GTF2IRD1: variants seen among roughly 807,000 people sequenced by gnomAD.
GTF2IRD1 encodes GTF2I repeat domain containing 1, also known as general transcription factor II-I repeat domain-containing protein 1.
A neutral mutation model predicts 113.2 loss-of-function variants in GTF2IRD1; 26 were observed. That is an observed-to-expected ratio of 0.23 (90% CI 0.17 to 0.32). The LOEUF is 0.32. Ranked by LOEUF, GTF2IRD1 falls within the 10% of genes least tolerant of loss-of-function variation. GTF2IRD1 has a pLI of 1.00. For synonymous variants in GTF2IRD1, 484 were observed against 529.1 expected (o/e 0.91, Z 1.17); for missense variants, 864 against 1,280.8 (o/e 0.67, Z 4.97).
intron 8 of GTF2IRD1, among the ~76,000 whole-genome samples, chr7:74,529,299 G>A (rs1176172822): frequency 2.6e-5 from 4 of 152,086 alleles, no homozygotes; most frequent in Non-Finnish European, 5.9e-5. Context: ...TGTTGCCCAG[G>A]CTGGAGTGCA....
chr7:74,476,366 CT>C lies in GTF2IRD1; in HGVS notation c.-7+22201del, dbSNP rs61151844. On this transcript the variant is annotated intron_variant, in intron 1 of 26. Transcript: ENST00000424337. ...CCCGCTTGGAAGCCTTCTGAACCTC[CT>C]TTTTTTTTTTCTTTTGAGACGGAGT... Among the ~76,000 whole-genome samples, 174 of 122,160 alleles carry C rather than the reference CT, an allele frequency of 1.4e-3. 10 individuals carry two copies. Among genetic ancestry groups the C allele is most frequent in the Middle Eastern group, 4.5e-3 (1 of 220 alleles). The allele number at this position is 122,160 out of a possible 152,430, so 80.1% of individuals were successfully genotyped here. A position where few individuals can be genotyped will look rare whatever the true frequency, so the allele number is the denominator to read the frequency against.
chr7:74,521,400 A>G (rs1797288717), intron 7 of GTF2IRD1, 103 bp downstream of exon 7: 2 of 749,388 alleles, frequency 2.7e-6, no homozygotes, highest in Non-Finnish European at 2.4e-6. Flanking sequence ...TGTGAAAGAA[A>G]GGAGGAACAG....
chr7:74,483,984 A>G (rs1584493493), intron 1 of GTF2IRD1, among the ~76,000 whole-genome samples: 1 of 152,312 alleles, frequency 6.6e-6, no homozygotes, highest in East Asian at 1.9e-4. Flanking sequence ...GGAGCCGTGT[A>G]GATACAGCCA....
At chr7:74,527,709 GCACAC>G (rs1797687180) in intron 8 of GTF2IRD1, among the ~76,000 whole-genome samples, 2 of 152,164 alleles carry the variant, frequency 1.3e-5, no homozygotes, top group South Asian at 4.2e-4. Flanking sequence ...GGGCGTGGTG[GCACAC>G]GCCTGTAATC....
intron 22 of GTF2IRD1, among the ~76,000 whole-genome samples, chr7:74,569,474 G>T (rs191037710): frequency 2.6e-5 from 4 of 152,180 alleles, no homozygotes; most frequent in Non-Finnish European, 5.9e-5. Context: ...GTGCAGTGAG[G>T]GGGGGATGGA....
intron 22 of GTF2IRD1, 110 bp from the exon 23 acceptor site, chr7:74,589,741 C>A: frequency 1.5e-6 from 1 of 681,646 alleles, no homozygotes; most frequent in East Asian, 2.7e-5. Context: ...TGGGTCGGCC[C>A]TGCAGAGAAT....
intron 1 of GTF2IRD1, among the ~76,000 whole-genome samples, chr7:74,460,002 G>T (rs1019430811): frequency 6.6e-6 from 1 of 151,894 alleles, no homozygotes; most frequent in African/African-American, 2.4e-5. Flanking sequence ...TTGAAATGAG[G>T]TCTCACTCTG....
intron 25 of GTF2IRD1, chr7:74,596,101 T>A (rs1181353381): frequency 6.6e-6 from 1 of 151,820 alleles, no homozygotes; most frequent in Non-Finnish European, 1.5e-5. Flanking sequence ...GAGGCAGGCA[T>A]ATCACTTGAG....
Position 74,518,128 on chromosome 7 carries a change from C to T in GTF2IRD1, c.422-11C>T. On this transcript the variant is annotated splice_polypyrimidine_tract_variant and intron_variant, in intron 4 of 26. Coordinates refer to ENST00000424337, the MANE Select transcript of GTF2IRD1 (RefSeq NM_005685.4). ...TCATACCAGGCCCCTCTCCTGGACT[C>T]TCCCCTACAGGCGAGGCCCTGGGAA... The T allele has an allele frequency of 2.0e-6, 3 of 1,536,440 alleles. No homozygotes were observed. Among genetic ancestry groups the T allele is most frequent in the African/African-American group, 2.7e-5 (2 of 72,836 alleles).
intron 2 of GTF2IRD1, among the ~76,000 whole-genome samples, chr7:74,508,875 C>T (rs1455804632): frequency 3.3e-5 from 5 of 152,018 alleles, no homozygotes; most frequent in African/African-American, 1.2e-4. Context: ...TAATCCCCAA[C>T]GTTAAAGCAA....
At chr7:74,523,345 T>A (rs1797400643) in intron 7 of GTF2IRD1, among the ~76,000 whole-genome samples, 1 of 151,744 alleles carries the variant, frequency 6.6e-6, no homozygotes, top group African/African-American at 2.4e-5. Context: ...GAGCTATGAT[T>A]GCACCACTGC....
chr7:74,536,327 TGA>T, intron 11 of GTF2IRD1, 52 bp downstream of exon 11: 2 of 1,142,526 alleles, frequency 1.8e-6, no homozygotes, highest in Non-Finnish European at 2.6e-6. Context: ...TGCTCTGGGC[TGA>T]GGCAGTGTTA....
intron 1 of GTF2IRD1, among the ~76,000 whole-genome samples, chr7:74,472,115 C>T (rs1041019042): frequency 6.6e-6 from 1 of 152,238 alleles, no homozygotes; most frequent in Non-Finnish European, 1.5e-5. Flanking sequence ...CTGGCCTTTC[C>T]AGAGTAACTC....
chr7:74,589,992 C>T (rs1185686061), intron 23 of GTF2IRD1, 64 bp downstream of exon 23: 20 of 1,040,270 alleles, frequency 1.9e-5, no homozygotes, highest in African/African-American at 1.1e-4. Flanking sequence ...GGGGGCCTCC[C>T]TCTGCAGCCA....
At chr7:74,539,748 C>CAAA (rs879998108) in intron 13 of GTF2IRD1, 131 bp from the exon 14 acceptor site, 9 of 509,526 alleles carry the variant, frequency 1.8e-5, no homozygotes, top group Non-Finnish European at 2.1e-5. Context: ...CATCTCAAAC[C>CAAA]AAAAAAAAAA....
intron 1 of GTF2IRD1, among the ~76,000 whole-genome samples, chr7:74,482,698 A>T (rs187211885): frequency 6.6e-6 from 1 of 152,074 alleles, no homozygotes; most frequent in African/African-American, 2.4e-5. Flanking sequence ...CACCACGATA[A>T]CCGCCGTTCC....
intron 1 of GTF2IRD1, among the ~76,000 whole-genome samples, chr7:74,457,368 G>C (rs1793055996): frequency 6.6e-6 from 1 of 152,192 alleles, no homozygotes; most frequent in Non-Finnish European, 1.5e-5. Context: ...ACTAGGGACA[G>C]GAAGGGATGG....
At chr7:74,536,338 T>C (rs1798296144) in intron 11 of GTF2IRD1, 63 bp downstream of exon 11, 2 of 1,012,420 alleles carry the variant, frequency 2.0e-6, no homozygotes, top group Middle Eastern at 2.4e-4. Flanking sequence ...GAGGCAGTGT[T>C]ACCTGCAAGG....
chr7:74,523,177 C>T (rs1797389609), intron 7 of GTF2IRD1, among the ~76,000 whole-genome samples: 1 of 152,106 alleles, frequency 6.6e-6, no homozygotes, highest in Admixed American at 6.6e-5. Flanking sequence ...TATGATCACA[C>T]CACAGCACTC....
Sources: allele counts gnomAD v4.1 joint callset (sites outside exome capture counted in the v4.1 genomes callset), GRCh38; gene constraint gnomAD v4.1.1; transcripts MANE v1.5; gene names NCBI Gene and HGNC (gene_info 2026-07-23, HGNC 2026-07-21).